THRB: variants seen among roughly 807,000 people sequenced by gnomAD.
The protein encoded by THRB is thyroid hormone receptor beta.
A neutral mutation model predicts 47.8 loss-of-function variants in THRB; 12 were observed. The observed-to-expected ratio is 0.25, with a 90% confidence interval of 0.16 to 0.41. The LOEUF is 0.41. Among genes scored for constraint, THRB ranks in the 10% least tolerant of loss-of-function variants. The probability of loss-of-function intolerance (pLI) is 1.00; values close to 1 mark genes in which losing one functional copy is unlikely to be tolerated. For missense variants in THRB, 348 were observed against 589.2 expected (o/e 0.59, Z 4.24); for synonymous variants, 218 against 212.2 (o/e 1.03, Z -0.24).
chr3:24,388,378 T>C (rs1161306162), intron 1 of THRB, among the ~76,000 whole-genome samples: 1 of 152,108 alleles, frequency 6.6e-6, no homozygotes, highest in Non-Finnish European at 1.5e-5. Context: ...TGAGTAAACC[T>C]CCTGCTTACT....
At chr3:24,279,238 A>C (rs1263974962) in intron 3 of THRB, among the ~76,000 whole-genome samples, 1 of 152,198 alleles carries the variant, frequency 6.6e-6, no homozygotes, top group African/African-American at 2.4e-5. Flanking sequence ...AGAAAACTTG[A>C]ACATGTTCGC....
intron 1 of THRB, among the ~76,000 whole-genome samples, chr3:24,384,007 G>C (rs1481646921): frequency 6.6e-6 from 1 of 152,040 alleles, no homozygotes; most frequent in Non-Finnish European, 1.5e-5. Context: ...GATCTTTCTT[G>C]GTCTCGATTT....
At chr3:24,279,158 T>A (rs2054256069) in intron 3 of THRB, among the ~76,000 whole-genome samples, 1 of 152,200 alleles carries the variant, frequency 6.6e-6, no homozygotes, top group Admixed American at 6.5e-5. Context: ...ATTTTAATTT[T>A]CAACTTTCAA....
rs529601547 is a variant in THRB, at chr3:24,206,613, A to C, written c.23-16279T>G. ...AGAACTAGGAGAAGCAAGAGCAGACACATTGAAAAGCTAGCAGAAGGCAAG... is the reference window on the plus strand; with the variant it reads ...AGAACTAGGAGAAGCAAGAGCAGACCCATTGAAAAGCTAGCAGAAGGCAAG... On this transcript the variant is annotated intron_variant, in intron 4 of 10. Coordinates refer to ENST00000646209, the MANE Select transcript of THRB (RefSeq NM_001354712.2). 3.9e-5 allele frequency among the ~76,000 whole-genome samples: 6 copies of C among 152,356 alleles called. No homozygotes were observed. In the South Asian group the frequency reaches 1.2e-3, roughly 32 times the overall value.
intron 6 of THRB, among the ~76,000 whole-genome samples, chr3:24,151,133 T>C (rs1362128785): frequency 6.6e-6 from 1 of 152,194 alleles, no homozygotes; most frequent in Non-Finnish European, 1.5e-5. Flanking sequence ...TAAGAACATG[T>C]TACACCACAT....
At chr3:24,220,374 C>G (rs1275237954) in intron 4 of THRB, among the ~76,000 whole-genome samples, 1 of 152,008 alleles carries the variant, frequency 6.6e-6, no homozygotes, top group Middle Eastern at 3.2e-3. Context: ...TCCTGTAGTC[C>G]CAGCTACTCG....
intron 5 of THRB, among the ~76,000 whole-genome samples, chr3:24,154,746 A>G (rs2037541444): frequency 6.6e-6 from 1 of 152,226 alleles, no homozygotes; most frequent in Admixed American, 6.5e-5. Context: ...CAGATGGAAT[A>G]TACAGACCCA....
chr3:24,134,001 G>C (rs998948088), intron 8 of THRB, among the ~76,000 whole-genome samples: 1 of 152,198 alleles, frequency 6.6e-6, no homozygotes, highest in Admixed American at 6.5e-5. Context: ...GGTGGTCTCA[G>C]CTGAGGGTTG....
At chr3:24,440,005 A>G (rs2071375546) in intron 1 of THRB, among the ~76,000 whole-genome samples, 3 of 152,244 alleles carry the variant, frequency 2.0e-5, no homozygotes, top group African/African-American at 7.2e-5. Flanking sequence ...CAATTAATGC[A>G]GTCTAAAATT....
intron 3 of THRB, among the ~76,000 whole-genome samples, chr3:24,270,632 C>T (rs1050820529): frequency 9.9e-5 from 15 of 152,146 alleles, no homozygotes; most frequent in African/African-American, 3.1e-4. Context: ...AGACAGCTAA[C>T]GGGGGTCAGT....
chr3:24,288,249 G>C (rs2055540652), intron 3 of THRB, among the ~76,000 whole-genome samples: 1 of 152,246 alleles, frequency 6.6e-6, no homozygotes, highest in Non-Finnish European at 1.5e-5. Flanking sequence ...AGAAGTCTCA[G>C]TTCCTGGCCT....
At chr3:24,129,071 T>TTA (rs2033407228) in intron 9 of THRB, among the ~76,000 whole-genome samples, 1 of 152,110 alleles carries the variant, frequency 6.6e-6, no homozygotes, top group African/African-American at 2.4e-5. Flanking sequence ...ACTGGGCATT[T>TTA]TATGTTTTTT....
At chr3:24,168,411 T>C (rs1194566456) in intron 5 of THRB, among the ~76,000 whole-genome samples, 11 of 151,718 alleles carry the variant, frequency 7.3e-5, no homozygotes, top group Non-Finnish European at 1.5e-5. Context: ...TAAGAGTTAT[T>C]TCACTTATAG....
At position 24,127,515 on chromosome 3, in the gene THRB, G is replaced by A. The variant is rs1306263285; in HGVS notation, c.1128C>T (p.Val376=). The stretch of plus-strand genomic sequence containing the variant: ...CGTACTCACCTGAAGACATCAGCAG[G>A]ACGGCCTGAAGGAGGGCTACTTCAG... The part of the protein sequence containing the change: ...DDTEVALLQA[V]LLMSSDRPGL... The change falls in exon 10 of 11, where the codon GTC becomes GTT. Residue 376 remains valine, a synonymous_variant. Transcript: ENST00000646209. The A allele has an allele frequency of 3.1e-6, 5 of 1,614,164 alleles. No homozygotes were observed. Among genetic ancestry groups the A allele is most frequent in the Non-Finnish European group, 4.2e-6 (5 of 1,180,024 alleles).
chr3:24,392,510 C>T (rs1021748531), intron 1 of THRB, among the ~76,000 whole-genome samples: 1 of 152,066 alleles, frequency 6.6e-6, no homozygotes, highest in African/African-American at 2.4e-5. Context: ...ACCCCTTAAC[C>T]AACTTAAGTA....
chr3:24,366,831 G>A (rs2064510026), intron 1 of THRB, among the ~76,000 whole-genome samples: 1 of 151,822 alleles, frequency 6.6e-6, no homozygotes, highest in Non-Finnish European at 1.5e-5. Flanking sequence ...ATGTTGGCTA[G>A]GATGGTCTTG....
At chr3:24,299,901 C>G (rs1163141546) in intron 2 of THRB, among the ~76,000 whole-genome samples, 2 of 151,168 alleles carry the variant, frequency 1.3e-5, no homozygotes, top group Non-Finnish European at 2.9e-5. Flanking sequence ...TGAAAATACT[C>G]CAGGGGAATT....
chr3:24,375,675 C>T, intron 1 of THRB, among the ~76,000 whole-genome samples: 1 of 151,584 alleles, frequency 6.6e-6, no homozygotes, highest in Non-Finnish European at 1.5e-5. Flanking sequence ...TAGAAAATAA[C>T]AAGAGTGGAA....
chr3:24,177,091 C>T (rs1004105713), intron 5 of THRB, among the ~76,000 whole-genome samples: 4 of 152,064 alleles, frequency 2.6e-5, no homozygotes, highest in African/African-American at 9.7e-5. Context: ...AATGGAGATA[C>T]ACTATAGAAG....
Sources: gnomAD v4.1 joint callset for allele counts (sites outside exome capture counted in the v4.1 genomes callset) on GRCh38, gnomAD v4.1.1 for gene constraint, MANE v1.5 for transcripts, NCBI Gene and HGNC (gene_info 2026-07-23, HGNC 2026-07-21) for gene names.